CCDC174: variants seen among roughly 807,000 people sequenced by gnomAD.
CCDC174 encodes coiled-coil domain-containing protein 174.
Under a neutral mutation model 57.1 loss-of-function variants are expected in CCDC174, and 37 were observed. The observed-to-expected ratio is 0.65, with a 90% confidence interval of 0.50 to 0.85. CCDC174 has a LOEUF of 0.85. CCDC174 is among the 40% of genes least tolerant of loss of function. The pLI is 0.00. For synonymous variants in CCDC174, 182 were observed against 190.2 expected, an observed-to-expected ratio of 0.96 and a Z score of 0.35; for missense variants, 540 against 574.3, an observed-to-expected ratio of 0.94 and a Z score of 0.61.
At position 14,658,892 on chromosome 3, in the gene CCDC174, C is replaced by T. The variant is rs1005220149; in HGVS notation, c.270C>T (p.Ala90=). Residue 90 remains alanine (A), a synonymous_variant, in exon 4 of 11, where the codon GCC becomes GCT. Coordinates refer to ENST00000383794, the MANE Select transcript of CCDC174 (RefSeq NM_016474.5). ...CTAGGGAAAAATTGGAAGAAAAAGC[C>T]AAATTATATGAAAAAATGACTAAAG... ...DKAREKLEEK[A]KLYEKMTKGD... 1.7e-5 allele frequency: 26 copies of T among 1,532,976 alleles called. No individual in the cohort carries two copies. Among genetic ancestry groups the T allele is most frequent in the Non-Finnish European group, 2.3e-5 (26 of 1,121,262 alleles). 95.0% of individuals were successfully genotyped at this position (1,532,976 alleles called of 1,614,324 possible). A position where few individuals can be genotyped will look rare whatever the true frequency, so the allele number is the denominator to read the frequency against.
Position 14,654,435 on chromosome 3 carries a change from C to T in CCDC174, c.52C>T (p.Leu18Phe), listed in dbSNP as rs2030880586. 6.3e-7 allele frequency: 1 copy of T among 1,588,056 alleles called. No homozygotes were observed. Among genetic ancestry groups the T allele is most frequent in the African/African-American group, 1.3e-5 (1 of 74,102 alleles). ...ACTGCTTTCATTCTAGTTGGTAGAT[C>T]TTAAGGCTGAACTCTTCCGAAAGCA... is the stretch of plus-strand genomic sequence containing the variant. ...LDVTASSLVDLKAELFRKQEE... is the reference protein window; with the variant it reads ...LDVTASSLVDFKAELFRKQEE... Residue 18 changes from leucine to phenylalanine, a missense_variant, in exon 2 of 11, where the codon CTT becomes TTT. Physicochemically the swap from Leu to Phe is conservative, Grantham distance 22. Transcript: ENST00000383794.
chr3:14,656,923 C>T (rs1043486247), intron 3 of CCDC174, among the ~76,000 whole-genome samples: 17 of 152,230 alleles, frequency 1.1e-4, no homozygotes, highest in African/African-American at 4.1e-4. Context: ...CAGTAGTTGC[C>T]AAGGTTGCTC....
intron 6 of CCDC174, 131 bp downstream of exon 6, chr3:14,665,254 GATT>G (rs2031276359): frequency 4.4e-6 from 3 of 683,042 alleles, no homozygotes; most frequent in East Asian, 2.7e-5. Flanking sequence ...TTGATTGATT[GATT>G]GATTGAAGCA....
chr3:14,664,633 G>C (rs1324406277), intron 5 of CCDC174, among the ~76,000 whole-genome samples: 2 of 152,194 alleles, frequency 1.3e-5, no homozygotes, highest in Non-Finnish European at 2.9e-5. Flanking sequence ...CAGACTTGAA[G>C]ACTGTGAGGA....
At chr3:14,658,476 G>A (rs1198607757) in intron 3 of CCDC174, among the ~76,000 whole-genome samples, 2 of 152,330 alleles carry the variant, frequency 1.3e-5, no homozygotes, top group East Asian at 3.9e-4. Context: ...ATTACTGTGA[G>A]CAGAGAGGCT....
In CCDC174 at chr3:14,651,769, A is replaced by C. The variant is rs548758904; in HGVS notation, c.-68A>C. On this transcript the variant is annotated 5_prime_UTR_variant, in exon 1 of 11. Transcript: ENST00000383794. ...TCGAAGACACTTCCGGTTGCGACGG[A>C]GGTAGGCTTACGAGGCCTGTGTCGG... is the stretch of plus-strand genomic sequence containing the variant. The C allele has an allele frequency of 4.7e-5, 72 of 1,525,538 alleles. 1 individual carries two copies. The South Asian group carries it at 7.5e-4, about 16-fold the overall frequency. 94.5% of individuals were successfully genotyped at this position (1,525,538 alleles called of 1,614,324 possible). A position where few individuals can be genotyped will look rare whatever the true frequency, so the allele number is the denominator to read the frequency against.
intron 2 of CCDC174, among the ~76,000 whole-genome samples, chr3:14,654,974 T>A (rs2030901816): frequency 6.6e-6 from 1 of 152,232 alleles, no homozygotes; most frequent in African/African-American, 2.4e-5. Flanking sequence ...TTGATTTAGG[T>A]TGTAATCATT....
Position 14,671,245 on chromosome 3 carries a change from C to A in CCDC174, c.*51C>A. ...TTGTACTTTGACAGTGCCTTTCTCT[C>A]CCAGAGGGAGAAATAACTTTAGGAA... On this transcript the variant is annotated 3_prime_UTR_variant, in exon 11 of 11. Transcript: ENST00000383794. 6.6e-7 allele frequency: 1 copy of A among 1,508,162 alleles called. No individual in the cohort carries two copies. The highest frequency in any genetic ancestry group is 9.0e-7 in the Non-Finnish European group (1 of 1,108,788). The allele number at this position is 1,508,162 out of a possible 1,614,324, so 93.4% of individuals were successfully genotyped here. A position where few individuals can be genotyped will look rare whatever the true frequency, so the allele number is the denominator to read the frequency against.
intron 5 of CCDC174, among the ~76,000 whole-genome samples, chr3:14,664,421 T>G (rs972622680): frequency 2.0e-5 from 3 of 152,242 alleles, no homozygotes; most frequent in African/African-American, 7.2e-5. Flanking sequence ...ATATTTCACT[T>G]TGCCTTGCTA....
chr3:14,652,774 C>G (rs1426585647), intron 1 of CCDC174, among the ~76,000 whole-genome samples: 1 of 152,046 alleles, frequency 6.6e-6, no homozygotes, highest in African/African-American at 2.4e-5. Context: ...TGGTGGTGCA[C>G]GCCTGTAATC....
At chr3:14,665,196 G>C in intron 6 of CCDC174, 73 bp downstream of exon 6, 1 of 1,008,992 alleles carries the variant, frequency 9.9e-7, no homozygotes, top group Non-Finnish European at 1.6e-6. Context: ...GTGAGGGGAG[G>C]CTGTTTTATA....
At chr3:14,664,903 C>T (rs1310072046) in intron 5 of CCDC174, 125 bp from the exon 6 acceptor site, 1 of 714,548 alleles carries the variant, frequency 1.4e-6, no homozygotes, top group Non-Finnish European at 2.5e-6. Flanking sequence ...GTAGTGGTCT[C>T]TGAGGTTGGG....
intron 2 of CCDC174, among the ~76,000 whole-genome samples, chr3:14,655,082 G>A (rs1047381325): frequency 8.5e-5 from 13 of 152,198 alleles, no homozygotes; most frequent in South Asian, 2.1e-4. Flanking sequence ...TTGGAAGGCC[G>A]AGGCAGGCAG....
chr3:14,664,246 T>C (rs1013561135), intron 5 of CCDC174, among the ~76,000 whole-genome samples: 10 of 152,372 alleles, frequency 6.6e-5, no homozygotes, highest in African/African-American at 2.4e-4. Flanking sequence ...TGAATTGGTC[T>C]GCCAGCTAGT....
intron 4 of CCDC174, 27 bp from the exon 5 acceptor site, chr3:14,661,503 G>A (rs1209445480): frequency 1.3e-6 from 2 of 1,574,466 alleles, no homozygotes; most frequent in East Asian, 2.3e-5. Context: ...CCTTTTTGAT[G>A]TCTGAAAACT....
Position 14,661,521 on chromosome 3 carries a change from A to G in CCDC174, c.308-9A>G, listed in dbSNP as rs774509851. ...TTTTGATGTCTGAAAACTGATTTTTATGTCCTAGATGAAGAAGTAGAGGAT... is the reference window on the plus strand; with the variant it reads ...TTTTGATGTCTGAAAACTGATTTTTGTGTCCTAGATGAAGAAGTAGAGGAT... On this transcript the variant is annotated splice_polypyrimidine_tract_variant and intron_variant, in intron 4 of 10. Transcript: ENST00000383794. The G allele has an allele frequency of 3.2e-6, 5 of 1,580,802 alleles. No individual in the cohort carries two copies. The highest frequency in any genetic ancestry group is 4.3e-6 in the Non-Finnish European group (5 of 1,166,986).
chr3:14,660,862 G>A (rs1380155293), intron 4 of CCDC174, among the ~76,000 whole-genome samples: 4 of 152,088 alleles, frequency 2.6e-5, no homozygotes, highest in Non-Finnish European at 5.9e-5. Context: ...TGCTACATGA[G>A]CTATCCTGGG....
At chr3:14,652,000 C>G in intron 1 of CCDC174, 122 bp downstream of exon 1, 1 of 937,186 alleles carries the variant, frequency 1.1e-6, no homozygotes, top group Non-Finnish European at 1.7e-6. Context: ...TCCCCTCAAA[C>G]AGGAACCCCC....
chr3:14,662,018 A>G (rs982016054), intron 5 of CCDC174: 6 of 262,170 alleles, frequency 2.3e-5, no homozygotes, highest in Non-Finnish European at 4.4e-5. Context: ...TGCCTGGCTC[A>G]CTAACATGAA....
Sources: allele counts gnomAD v4.1 joint callset (sites outside exome capture counted in the v4.1 genomes callset), GRCh38; gene constraint gnomAD v4.1.1; transcripts MANE v1.5; gene names NCBI Gene and HGNC (gene_info 2026-07-23, HGNC 2026-07-21).